Variants in C13orf42 observed in about 807,000 individuals in gnomAD.
The protein encoded by C13orf42 is uncharacterized protein C13orf42.
intron 1 of C13orf42, among the ~76,000 whole-genome samples, chr13:51,168,189 TCA>T (rs1315756147): frequency 6.6e-6 from 1 of 152,222 alleles, no homozygotes; most frequent in Non-Finnish European, 1.5e-5. Flanking sequence ...GGTCTCTTTT[TCA>T]CAGACAAGAA....
chr13:51,096,019 G>T (rs1953231061), intron 1 of C13orf42, among the ~76,000 whole-genome samples: 1 of 152,132 alleles, frequency 6.6e-6, no homozygotes, highest in Admixed American at 6.5e-5. Context: ...CCTTTAGTTT[G>T]GTTTTGAGTC....
chr13:51,090,622 T>C (rs1056989469), intron 1 of C13orf42, among the ~76,000 whole-genome samples: 2 of 152,212 alleles, frequency 1.3e-5, no homozygotes, highest in Non-Finnish European at 2.9e-5. Flanking sequence ...ATTTTTTATC[T>C]GGGTTACCCT....
chr13:51,153,630 C>CTTTTTTTTTTTTTTTTTTTT (rs1206289963), intron 1 of C13orf42, among the ~76,000 whole-genome samples: 23 of 81,208 alleles, frequency 2.8e-4, no homozygotes, highest in South Asian at 4.3e-4. Context: ...TGTTTTTTTT[C>CTTTTTTTTTTTTTTTTTTTT]TTTTTTTTTT....
intron 1 of C13orf42, among the ~76,000 whole-genome samples, chr13:51,097,761 T>TC (rs57088488): frequency 4.6e-5 from 7 of 152,096 alleles, no homozygotes; most frequent in Admixed American, 1.3e-4. Flanking sequence ...TTTTTTTTTT[T>TC]CCTAGCCCAG....
intron 1 of C13orf42, among the ~76,000 whole-genome samples, chr13:51,109,770 G>A (rs1190283610): frequency 6.6e-6 from 1 of 151,968 alleles, no homozygotes; most frequent in Non-Finnish European, 1.5e-5. Flanking sequence ...ATACAAGTCT[G>A]AGGAAATAAA....
chr13:51,143,822 T>TA (rs1377967064), intron 1 of C13orf42, among the ~76,000 whole-genome samples: 4 of 152,200 alleles, frequency 2.6e-5, no homozygotes, highest in Non-Finnish European at 5.9e-5. Flanking sequence ...TTATTTGGTA[T>TA]AAAAAATTAT....
intron 1 of C13orf42, among the ~76,000 whole-genome samples, chr13:51,160,077 C>G (rs531959425): frequency 1.1e-3 from 174 of 152,350 alleles, no homozygotes; most frequent in African/African-American, 4.0e-3. Flanking sequence ...TTACCTCCCC[C>G]TGGGTCCCTC....
chr13:51,124,753 C>T (rs1269765999), intron 1 of C13orf42, among the ~76,000 whole-genome samples: 2 of 152,158 alleles, frequency 1.3e-5, no homozygotes, highest in Non-Finnish European at 2.9e-5. Context: ...AGTTTCCTGG[C>T]AAATGTTAGA....
chr13:51,130,164 G>T (rs9535582), intron 1 of C13orf42, among the ~76,000 whole-genome samples: 3 of 152,030 alleles, frequency 2.0e-5, no homozygotes, highest in East Asian at 1.9e-4. Context: ...AGTAATCTTT[G>T]GGAAATAAAA....
At chr13:51,132,490 T>C (rs1045933892) in intron 1 of C13orf42, among the ~76,000 whole-genome samples, 7 of 152,102 alleles carry the variant, frequency 4.6e-5, no homozygotes, top group Non-Finnish European at 7.4e-5. Context: ...TAAACACTTA[T>C]TCATCTTCTG....
intron 1 of C13orf42, among the ~76,000 whole-genome samples, chr13:51,148,385 G>A (rs949125731): frequency 2.0e-5 from 3 of 152,356 alleles, no homozygotes; most frequent in Middle Eastern, 3.4e-3. Context: ...GGAGAGCGAC[G>A]CACAGGAAAA....
At position 51,170,150 on chromosome 13, in the gene C13orf42, T is replaced by G. The variant is rs1460553181; in HGVS notation, n.136+2103A>C. On this transcript the variant is annotated intron_variant and non_coding_transcript_variant, in intron 1 of 4. Coordinates refer to the C13orf42 transcript ENST00000433280. ...TACCCGCCAGAGAACAAACCCCCTTTGACTGTAATTTTCCTTTACCTACCC... is the reference window on the plus strand; with the variant it reads ...TACCCGCCAGAGAACAAACCCCCTTGGACTGTAATTTTCCTTTACCTACCC... Among the ~76,000 whole-genome samples, 5 of 152,062 alleles carry G rather than the reference T, an allele frequency of 3.3e-5. No homozygotes were observed. The South Asian group carries it at 1.0e-3, about 31-fold the overall frequency.
chr13:51,106,558 G>A (rs945797645), intron 1 of C13orf42, among the ~76,000 whole-genome samples: 10 of 152,168 alleles, frequency 6.6e-5, no homozygotes, highest in African/African-American at 2.2e-4. Flanking sequence ...ATCTCTTAAC[G>A]CCCCCAAGCC....
chr13:51,115,627 G>A (rs951522893), upstream of C13orf42, among the ~76,000 whole-genome samples: 2 of 152,188 alleles, frequency 1.3e-5, no homozygotes, highest in African/African-American at 4.8e-5. Context: ...CTGACAGGAA[G>A]GTGACTCTGA....
At chr13:51,085,231 G>A in intron 3 of C13orf42, 88 bp downstream of exon 3, 1 of 380,542 alleles carries the variant, frequency 2.6e-6, no homozygotes, top group Non-Finnish European at 4.6e-6. Context: ...TGGCATGTAA[G>A]ATGGGGCTGG....
chr13:51,123,532 G>C (rs1398364430), intron 1 of C13orf42, among the ~76,000 whole-genome samples: 1 of 152,216 alleles, frequency 6.6e-6, no homozygotes, highest in Non-Finnish European at 1.5e-5. Context: ...CTGGAGGAGA[G>C]CCAGAATATT....
chr13:51,159,825 G>A (rs746063026), intron 1 of C13orf42, among the ~76,000 whole-genome samples: 2 of 152,164 alleles, frequency 1.3e-5, no homozygotes, highest in Non-Finnish European at 1.5e-5. Flanking sequence ...TCATTTTGAC[G>A]CTGCTGATAA....
chr13:51,143,678 G>A (rs571021334), intron 1 of C13orf42, among the ~76,000 whole-genome samples: 13 of 152,212 alleles, frequency 8.5e-5, no homozygotes, highest in African/African-American at 3.1e-4. Context: ...ATCCTATTTT[G>A]TAATATCAAG....
At chr13:51,120,378 G>A (rs1327892023) in intron 1 of C13orf42, among the ~76,000 whole-genome samples, 2 of 152,158 alleles carry the variant, frequency 1.3e-5, no homozygotes, top group African/African-American at 4.8e-5. Context: ...CTGGAAGCGG[G>A]TATCCTTGCC....
Sources: allele counts gnomAD v4.1 joint callset (sites outside exome capture counted in the v4.1 genomes callset), GRCh38; gene constraint gnomAD v4.1.1; transcripts MANE v1.5; gene names NCBI Gene and HGNC (gene_info 2026-07-23, HGNC 2026-07-21).